The following FGD4 variants were observed in gnomAD, a reference collection of about 807,000 sequenced individuals.
The protein encoded by FGD4 is FYVE, RhoGEF and PH domain-containing protein 4.
FGD4 carries 42 observed loss-of-function variants against 102.0 expected under a neutral mutation model. The observed-to-expected ratio is 0.41, with a 90% CI of 0.32 to 0.53. FGD4 has a LOEUF of 0.53. FGD4 is among the 20% of genes least tolerant of loss of function. FGD4 has a pLI of 0.21. For missense variants in FGD4, 902 were observed against 1,078.2 expected (o/e 0.84, Z 2.29); for synonymous variants, 380 against 375.7 (o/e 1.01, Z -0.13).
chr12:32,566,617 C>A (rs1480291397), intron 2 of FGD4, among the ~76,000 whole-genome samples: 1 of 152,132 alleles, frequency 6.6e-6, no homozygotes, highest in Non-Finnish European at 1.5e-5. Context: ...GAGGCTACAT[C>A]TTAGTATTGT....
intron 1 of FGD4, among the ~76,000 whole-genome samples, chr12:32,547,786 A>T (rs1943343423): frequency 6.6e-6 from 1 of 152,150 alleles, no homozygotes; most frequent in Non-Finnish European, 1.5e-5. Context: ...TGCTCACTAC[A>T]ATCTCCGCCT....
At chr12:32,488,677 A>C (rs1943989562) in intron 1 of FGD4, among the ~76,000 whole-genome samples, 1 of 152,216 alleles carries the variant, frequency 6.6e-6, no homozygotes, top group Non-Finnish European at 1.5e-5. Flanking sequence ...ACGGTGGCTC[A>C]CGCCTGTAAT....
At chr12:32,429,317 C>G (rs560649141) in intron 1 of FGD4, among the ~76,000 whole-genome samples, 27 of 152,294 alleles carry the variant, frequency 1.8e-4, no homozygotes, top group African/African-American at 6.5e-4. Context: ...TGCTGGAGGT[C>G]CATTCCAGAC....
chr12:32,614,797 G>C (rs900433008), intron 10 of FGD4, among the ~76,000 whole-genome samples: 1 of 152,204 alleles, frequency 6.6e-6, no homozygotes, highest in Non-Finnish European at 1.5e-5. Context: ...CAGTTCTTTA[G>C]GATGGATTAA....
chr12:32,581,933 A>C (rs555654900), intron 3 of FGD4, 27 bp from the exon 4 acceptor site: 1 of 1,613,022 alleles, frequency 6.2e-7, no homozygotes, highest in Admixed American at 1.7e-5. Context: ...CAATGTTTTC[A>C]TGCTTCCTTT....
chr12:32,468,734 C>T (rs1943335993), intron 1 of FGD4, among the ~76,000 whole-genome samples: 1 of 152,106 alleles, frequency 6.6e-6, no homozygotes, highest in East Asian at 1.9e-4. Flanking sequence ...AGAATGAGAC[C>T]CTGTCAAAGG....
In FGD4 at chr12:32,500,145, C is replaced by G. The variant is rs1211144133; in HGVS notation, c.167-63992C>G. On this transcript the variant is annotated intron_variant, in intron 1 of 16. Transcript: ENST00000534526. The stretch of plus-strand genomic sequence containing the variant: ...CAATGACTTAGATCCAAGCTTTGGT[C>G]TCAGACAAATGAGGTTCTCGTTCCA... Among the ~76,000 whole-genome samples the G allele has an allele frequency of 2.0e-5, 3 of 152,184 alleles. No individual in the cohort carries two copies. In the East Asian group the frequency reaches 5.8e-4, roughly 29 times the overall value.
intron 1 of FGD4, among the ~76,000 whole-genome samples, chr12:32,561,070 GTTTTGTTTTTTT>G (rs1301851676): frequency 5.5e-5 from 5 of 90,788 alleles, no homozygotes; most frequent in East Asian, 3.0e-4. Flanking sequence ...TCTTTGTTGG[GTTTTGTTTTTTT>G]TTTTTTTTTT....
At chr12:32,595,635 G>C (rs1455658049) in intron 4 of FGD4, among the ~76,000 whole-genome samples, 1 of 152,138 alleles carries the variant, frequency 6.6e-6, no homozygotes, top group Non-Finnish European at 1.5e-5. Flanking sequence ...TGTTTCCCTA[G>C]AGGAACTGAC....
In FGD4 at chr12:32,468,180, A is replaced by G. The variant is rs79031035; in HGVS notation, c.166+68221A>G. ...ACCTCAGCCTTCCAAGTAGCTGGGA[A>G]CTACAGGTGTGCCTCACTATGCCCA... On this transcript the variant is annotated intron_variant, in intron 1 of 16. Coordinates refer to ENST00000534526, the MANE Select transcript of FGD4 (RefSeq NM_001370298.3). 0.013 allele frequency among the ~76,000 whole-genome samples: 1,992 copies of G among 152,048 alleles called. 77 individuals are homozygous for G. In the East Asian group the frequency reaches 0.16, roughly 12 times the overall value.
chr12:32,523,543 A>G (rs1940772053), intron 1 of FGD4, among the ~76,000 whole-genome samples: 1 of 152,240 alleles, frequency 6.6e-6, no homozygotes, highest in Admixed American at 6.5e-5. Flanking sequence ...ATGGGGTTAA[A>G]GGACTCTAAA....
At chr12:32,413,470 T>C (rs1941287502) in intron 1 of FGD4, among the ~76,000 whole-genome samples, 1 of 152,230 alleles carries the variant, frequency 6.6e-6, no homozygotes, top group Non-Finnish European at 1.5e-5. Flanking sequence ...TTGGTAATTT[T>C]CATCCTAGAA....
intron 14 of FGD4, among the ~76,000 whole-genome samples, chr12:32,631,500 C>T (rs983301529): frequency 7.0e-6 from 1 of 143,594 alleles, no homozygotes; most frequent in Non-Finnish European, 1.5e-5. Flanking sequence ...TGAGAGCAAA[C>T]AGCTTTTTTT....
At chr12:32,421,833 C>A (rs1386340686) in intron 1 of FGD4, among the ~76,000 whole-genome samples, 1 of 152,078 alleles carries the variant, frequency 6.6e-6, no homozygotes, top group Admixed American at 6.6e-5. Flanking sequence ...TAGTTCACAG[C>A]TTGTATAGAA....
intron 1 of FGD4, among the ~76,000 whole-genome samples, chr12:32,473,939 T>G (rs1943512250): frequency 6.6e-6 from 1 of 151,816 alleles, no homozygotes; most frequent in South Asian, 2.1e-4. Flanking sequence ...ATACAAAAAC[T>G]TAGCCGAGCA....
intron 1 of FGD4, among the ~76,000 whole-genome samples, chr12:32,547,478 C>T (rs1330484541): frequency 6.6e-6 from 1 of 152,150 alleles, no homozygotes; most frequent in Non-Finnish European, 1.5e-5. Context: ...CCACTTACCA[C>T]CTCTTAATCA....
chr12:32,486,055 T>TTA, intron 1 of FGD4: 1 of 1,498,902 alleles, frequency 6.7e-7, no homozygotes, highest in Non-Finnish European at 8.8e-7. Context: ...TACCAACAAA[T>TTA]TATGGATCCA....
intron 1 of FGD4, among the ~76,000 whole-genome samples, chr12:32,510,109 A>G (rs185205441): frequency 1.3e-5 from 2 of 152,288 alleles, no homozygotes; most frequent in Admixed American, 1.3e-4. Flanking sequence ...TGTTTTTCAC[A>G]CCCATAATTC....
In FGD4 at chr12:32,441,806, T is replaced by C. The variant is rs574848562; in HGVS notation, c.166+41847T>C. On this transcript the variant is annotated intron_variant, in intron 1 of 16. Coordinates refer to ENST00000534526, the MANE Select transcript of FGD4 (RefSeq NM_001370298.3). ...GACCAAAAGCACTTTGGCCCTAGGT[T>C]TGTGGGCACTGGGATTGGCGATTCC... 2.8e-4 allele frequency among the ~76,000 whole-genome samples: 43 copies of C among 152,250 alleles called. No homozygotes were observed. The South Asian group carries it at 8.3e-3, about 29-fold the overall frequency.
Sources: gnomAD v4.1 joint callset for allele counts (sites outside exome capture counted in the v4.1 genomes callset) on GRCh38, gnomAD v4.1.1 for gene constraint, MANE v1.5 for transcripts, NCBI Gene and HGNC (gene_info 2026-07-23, HGNC 2026-07-21) for gene names.